The following TRPM7 variants were observed in gnomAD, a reference collection of about 807,000 sequenced individuals.
TRPM7 encodes LTRPC ion channel family member 7.
In TRPM7, 134 loss-of-function variants were observed where a neutral mutation model predicts 229.7. The observed-to-expected ratio is 0.58, with a 90% CI of 0.51 to 0.67. TRPM7 has a LOEUF of 0.67. TRPM7 is among the 30% of genes least tolerant of loss of function. The pLI is 0.00. For synonymous variants in TRPM7, 699 were observed against 715.2 expected (o/e 0.98, Z 0.36); for missense variants, 1,901 against 2,210.0 (o/e 0.86, Z 2.80).
chr15:50,637,707 CAGAAATAA>C, intron 6 of TRPM7, 114 bp from the exon 7 acceptor site: 1 of 919,594 alleles, frequency 1.1e-6, no homozygotes, highest in Non-Finnish European at 1.6e-6. Context: ...ATTTTACATA[CAGAAATAA>C]ATACCAAATG....
intron 2 of TRPM7, among the ~76,000 whole-genome samples, chr15:50,661,432 T>C (rs1335645428): frequency 6.6e-6 from 1 of 152,198 alleles, no homozygotes; most frequent in East Asian, 1.9e-4. Flanking sequence ...TCTTAATGTA[T>C]TGAAACTCTA....
At chr15:50,605,812 A>G (rs1272013850) in intron 20 of TRPM7, among the ~76,000 whole-genome samples, 7 of 152,232 alleles carry the variant, frequency 4.6e-5, no homozygotes, top group Admixed American at 4.6e-4. Context: ...CATTTAACAA[A>G]TCAATTTCTT....
At chr15:50,626,377 A>G (rs1245243983) in intron 11 of TRPM7, among the ~76,000 whole-genome samples, 3 of 152,178 alleles carry the variant, frequency 2.0e-5, no homozygotes, top group African/African-American at 7.2e-5. Flanking sequence ...ACTGCCCTAG[A>G]ACAAAATCTT....
chr15:50,581,665 T>A (rs1424929529), intron 29 of TRPM7, among the ~76,000 whole-genome samples: 1 of 151,990 alleles, frequency 6.6e-6, no homozygotes, highest in Non-Finnish European at 1.5e-5. Context: ...TATTCTGCAG[T>A]TGTATAATGT....
chr15:50,646,856 T>A (rs2061280926), intron 4 of TRPM7, among the ~76,000 whole-genome samples: 1 of 152,204 alleles, frequency 6.6e-6, no homozygotes, highest in South Asian at 2.1e-4. Context: ...TATATATATT[T>A]AGACACATAT....
chr15:50,670,563 T>C (rs930001482), intron 1 of TRPM7, among the ~76,000 whole-genome samples: 15 of 152,128 alleles, frequency 9.9e-5, no homozygotes, highest in African/African-American at 3.6e-4. Flanking sequence ...ACAGATGCCA[T>C]GGCAACATTC....
At position 50,632,928 on chromosome 15, in the gene TRPM7, G is replaced by C; in HGVS notation, c.1072C>G (p.Gln358Glu). The C allele has an allele frequency of 6.2e-7, 1 of 1,604,254 alleles. No individual in the cohort carries two copies. Among genetic ancestry groups the C allele is most frequent in the Non-Finnish European group, 8.5e-7 (1 of 1,176,244 alleles). ...TGAAATAAATGAAGTGCTTCATTCT[G>C]GCCAAAGTTAAATGTTTTTTTGATA... ...STIKKTFNFG[Q>E]NEALHLFQTL... The change falls in exon 9 of 39, where the codon CAG (glutamine) becomes GAG (glutamate). Residue 358 changes from glutamine (Q) to glutamate (E), a missense_variant. This residue lies in a region of TRPM7 where 794 missense variants were observed against 881.9 expected (regional missense o/e 0.90). Transcript: ENST00000646667.
At chr15:50,575,823 G>A in intron 32 of TRPM7, 34 bp from the exon 33 acceptor site, 1 of 1,612,002 alleles carries the variant, frequency 6.2e-7, no homozygotes, top group Non-Finnish European at 8.5e-7. Flanking sequence ...AATTAAATCT[G>A]TAAAGGTCCA....
intron 3 of TRPM7, among the ~76,000 whole-genome samples, chr15:50,652,710 T>C (rs950035208): frequency 1.3e-5 from 2 of 151,896 alleles, no homozygotes; most frequent in African/African-American, 4.8e-5. Context: ...CATTCTGCTT[T>C]GGAAAAAAAC....
intron 13 of TRPM7, among the ~76,000 whole-genome samples, 177 bp from the exon 14 acceptor site, chr15:50,614,440 G>A (rs1268972731): frequency 6.6e-6 from 1 of 152,112 alleles, no homozygotes; most frequent in Non-Finnish European, 1.5e-5. Flanking sequence ...CAAGGCGGGT[G>A]CATCACCTGA....
intron 5 of TRPM7, among the ~76,000 whole-genome samples, chr15:50,641,411 C>T (rs114762156): frequency 0.014 from 2,119 of 152,232 alleles, 47 homozygotes; most frequent in African/African-American, 0.049. Flanking sequence ...CATGCTTTGC[C>T]TTATGTTTTT....
chr15:50,639,409 A>T lies in TRPM7; in HGVS notation c.660+15T>A, dbSNP rs1421647525. On this transcript the variant is annotated intron_variant, in intron 6 of 38. Coordinates refer to ENST00000646667, the MANE Select transcript of TRPM7 (RefSeq NM_017672.6). Reference sequence around the variant, plus strand: ...TATAATTTCAAACATAAGAAATTTTAAAAATAATTCTTACATCTCTCCCAA... The same window carrying T: ...TATAATTTCAAACATAAGAAATTTTTAAAATAATTCTTACATCTCTCCCAA... 2 of 1,557,066 alleles carry T rather than the reference A, an allele frequency of 1.3e-6. No individual in the cohort carries two copies. The highest frequency in any genetic ancestry group is 1.3e-5 in the South Asian group (1 of 79,560).
chr15:50,682,091 T>A (rs1369572561), intron 1 of TRPM7, among the ~76,000 whole-genome samples: 1 of 138,764 alleles, frequency 7.2e-6, no homozygotes, highest in Non-Finnish European at 1.5e-5. Flanking sequence ...GGCAGGAGAA[T>A]CACTTTAAAC....
intron 19 of TRPM7, among the ~76,000 whole-genome samples, chr15:50,608,353 CTGTCTTTTATTTATTTCTAGACTTTTA>C (rs6145559): frequency 0.48 from 72,642 of 151,708 alleles, 17,643 homozygotes; most frequent in Admixed American, 0.56. Flanking sequence ...ATCCTCTCAT[CTGTCTTTTATTTATTTCTAGACTTTTA>C]TGTCTTGTCT....
Position 50,624,267 on chromosome 15 carries a change from G to C in TRPM7, c.1339C>G (p.Leu447Val). Residue 447 changes from leucine to valine, a missense_variant, in exon 12 of 39, where the codon CTT (leucine) becomes GTT (valine). Transcript: ENST00000646667. ...ACAAATGCAACTCTATCCATTACAAGAGCATCAAGCATAGCTTGTTCCAAG... is the reference window on the plus strand; with the variant it reads ...ACAAATGCAACTCTATCCATTACAACAGCATCAAGCATAGCTTGTTCCAAG... ...GSLEQAMLDA[L>V]VMDRVAFVKL... 1 of 1,611,708 alleles carries C rather than the reference G, an allele frequency of 6.2e-7. No homozygotes were observed. Among genetic ancestry groups the C allele is most frequent in the Non-Finnish European group, 8.5e-7 (1 of 1,178,968 alleles).
At chr15:50,656,303 T>C (rs2061569447) in intron 3 of TRPM7, among the ~76,000 whole-genome samples, 1 of 151,970 alleles carries the variant, frequency 6.6e-6, no homozygotes, top group Non-Finnish European at 1.5e-5. Flanking sequence ...GTCTTTTTGT[T>C]TGTTTTTTTT....
chr15:50,590,733 A>G (rs12595151), intron 26 of TRPM7, among the ~76,000 whole-genome samples: 58,418 of 151,844 alleles, frequency 0.38, 11,765 homozygotes, highest in Admixed American at 0.49. Flanking sequence ...CTGAGGCAGG[A>G]GAATCACTTG....
intron 13 of TRPM7, among the ~76,000 whole-genome samples, chr15:50,615,142 G>A (rs547546818): frequency 1.7e-5 from 2 of 120,882 alleles, no homozygotes; most frequent in South Asian, 3.0e-4. Flanking sequence ...CAGCCTGAGC[G>A]ACAAGAGCGA....
At chr15:50,658,100 G>A (rs1044638659) in intron 2 of TRPM7, among the ~76,000 whole-genome samples, 10 of 151,636 alleles carry the variant, frequency 6.6e-5, no homozygotes, top group African/African-American at 2.2e-4. Context: ...CGCCTCCCGG[G>A]TTCACACCAC....
Sources: gnomAD v4.1 joint callset for allele counts (sites outside exome capture counted in the v4.1 genomes callset) on GRCh38, gnomAD v4.1.1 for gene constraint, gnomAD v4.1.1 regional missense constraint, MANE v1.5 for transcripts, NCBI Gene and HGNC (gene_info 2026-07-23, HGNC 2026-07-21) for gene names.